Variants in DACH2 observed in about 807,000 individuals in gnomAD.
DACH2 encodes dachshund homolog 2.
DACH2 carries 17 observed loss-of-function variants against 35.8 expected under a neutral mutation model. That is an observed-to-expected ratio of 0.48 (90% confidence interval 0.33 to 0.71). DACH2 has a LOEUF of 0.71. Ranked by LOEUF, DACH2 falls within the 30% of genes least tolerant of loss-of-function variation. The probability of loss-of-function intolerance (pLI) is 0.02; values close to 1 mark genes in which losing one functional copy is unlikely to be tolerated. For missense variants in DACH2, 469 were observed against 472.7 expected, an observed-to-expected ratio of 0.99 and a Z score of 0.07; for synonymous variants, 195 against 177.3, an observed-to-expected ratio of 1.10 and a Z score of -0.79.
At chrX:86,331,462 TAAAA>T (rs1289346509) in intron 1 of DACH2, among the ~76,000 whole-genome samples, 49 of 109,389 alleles carry the variant, frequency 4.5e-4, no homozygotes, top group South Asian at 3.8e-4. Context: ...TCCTGGAAGA[TAAAA>T]CAAACAAACA....
intron 3 of DACH2, among the ~76,000 whole-genome samples, chrX:86,534,241 G>A (rs999795555): frequency 7.2e-5 from 8 of 111,710 alleles, no homozygotes; most frequent in African/African-American, 2.6e-4. Flanking sequence ...CTTTATCATA[G>A]TATGGCAACA....
chrX:86,729,337 T>A (rs1291766), intron 6 of DACH2, among the ~76,000 whole-genome samples: 25,273 of 111,547 alleles, frequency 0.23, 2,352 homozygotes, highest in Admixed American at 0.44. Context: ...CCAATGCCTA[T>A]ACCCCTGTTG....
intron 3 of DACH2, among the ~76,000 whole-genome samples, chrX:86,555,518 C>T (rs912917480): frequency 9.0e-6 from 1 of 111,453 alleles, no homozygotes; most frequent in Non-Finnish European, 1.9e-5. Flanking sequence ...GAGAGGAAAA[C>T]TGCTAATTGA....
At chrX:86,293,906 A>T (rs1401052179) in intron 1 of DACH2, among the ~76,000 whole-genome samples, 1 of 110,360 alleles carries the variant, frequency 9.1e-6, no homozygotes, top group Non-Finnish European at 1.9e-5. Flanking sequence ...TGTGTCTTGG[A>T]GGTGCTCTTC....
At chrX:86,158,193 AT>A (rs769392168) in intron 1 of DACH2, among the ~76,000 whole-genome samples, 2 of 111,901 alleles carry the variant, frequency 1.8e-5, no homozygotes, top group African/African-American at 6.5e-5. Context: ...ATGCATTATG[AT>A]ATGGTTCCCC....
Position 86,485,706 on chromosome X carries a change from C to T in DACH2, c.528-28573C>T, listed in dbSNP as rs901666605. On this transcript the variant is annotated intron_variant, in intron 2 of 11. Transcript: ENST00000373125. ...TATAGTTTATAGTAAATCACATTGC[C>T]TATAAGTGATAAATATAAAAAAAAC... Among the ~76,000 whole-genome samples, 26 of 111,009 alleles carry T rather than the reference C, an allele frequency of 2.3e-4. No homozygotes were observed. The Admixed American group carries it at 2.5e-3, about 11-fold the overall frequency.
chrX:86,763,890 T>C (rs1242977636), intron 7 of DACH2, among the ~76,000 whole-genome samples: 1 of 111,720 alleles, frequency 9.0e-6, no homozygotes, highest in Non-Finnish European at 1.9e-5. Context: ...TTAATATAAA[T>C]AATATGTTTC....
intron 11 of DACH2, among the ~76,000 whole-genome samples, chrX:86,816,686 T>C (rs1302607307): frequency 8.9e-6 from 1 of 111,893 alleles, no homozygotes; most frequent in Non-Finnish European, 1.9e-5. Flanking sequence ...AAATATTTAG[T>C]AGTAAGAAAA....
chrX:86,196,976 G>A (rs181910650), intron 1 of DACH2, among the ~76,000 whole-genome samples: 13 of 110,626 alleles, frequency 1.2e-4, no homozygotes, highest in East Asian at 5.7e-4. Flanking sequence ...CTCCAAGGTC[G>A]AAATGAAAGA....
intron 7 of DACH2, among the ~76,000 whole-genome samples, chrX:86,805,045 A>G (rs1348066898): frequency 1.8e-5 from 2 of 112,091 alleles, no homozygotes; most frequent in Non-Finnish European, 3.8e-5. Flanking sequence ...GCAGTGCCCC[A>G]ATGGGGACTC....
chrX:86,506,525 C>T (rs920124314), intron 2 of DACH2, among the ~76,000 whole-genome samples: 5 of 111,580 alleles, frequency 4.5e-5, no homozygotes, highest in Admixed American at 9.5e-5. Context: ...TCCTGAGTAG[C>T]GAGGACTACA....
In DACH2 at chrX:86,274,982, A is replaced by G. The variant is rs149967745; in HGVS notation, c.489-101842A>G. On this transcript the variant is annotated intron_variant, in intron 1 of 11. Transcript: ENST00000373125. ...GCTTGAGGAAATCGTCATATGGCCC[A>G]GAGTATTGAAAGCAGCACAGCAAAA... Among the ~76,000 whole-genome samples the G allele has an allele frequency of 4.5e-5, 5 of 111,778 alleles. No individual in the cohort carries two copies. The East Asian group carries it at 1.4e-3, about 32-fold the overall frequency.
chrX:86,650,603 C>A (rs918854689), intron 3 of DACH2, among the ~76,000 whole-genome samples: 6 of 111,521 alleles, frequency 5.4e-5, no homozygotes, highest in African/African-American at 1.6e-4. Flanking sequence ...GTCCAAAACT[C>A]TTAGCAGACA....
intron 7 of DACH2, among the ~76,000 whole-genome samples, chrX:86,796,606 T>C (rs2042241460): frequency 8.9e-6 from 1 of 112,456 alleles, no homozygotes; most frequent in African/African-American, 3.2e-5. Flanking sequence ...TGAAAGATCT[T>C]ACATATTAAT....
chrX:86,633,176 A>C (rs6524678), intron 3 of DACH2, among the ~76,000 whole-genome samples: 41,001 of 109,837 alleles, frequency 0.37, 6,434 homozygotes, highest in East Asian at 0.82. Context: ...AATGTTGGTT[A>C]TTTGAAAGAT....
At chrX:86,791,096 G>T (rs1439441383) in intron 7 of DACH2, among the ~76,000 whole-genome samples, 1 of 111,254 alleles carries the variant, frequency 9.0e-6, no homozygotes, top group Non-Finnish European at 1.9e-5. Flanking sequence ...CTGTCTCCAT[G>T]TTGAGTAGGC....
chrX:86,800,044 C>T (rs1418256748), intron 7 of DACH2, among the ~76,000 whole-genome samples: 1 of 112,019 alleles, frequency 8.9e-6, no homozygotes, highest in Admixed American at 9.5e-5. Flanking sequence ...AAGAAGAAGG[C>T]AGACTCATAG....
chrX:86,439,460 C>T (rs1038322423), intron 2 of DACH2, among the ~76,000 whole-genome samples: 2 of 111,546 alleles, frequency 1.8e-5, no homozygotes, highest in Non-Finnish European at 3.8e-5. Flanking sequence ...ATGTTTTAGC[C>T]ATAAAATATT....
chrX:86,234,535 C>T (rs2033016100), intron 1 of DACH2, among the ~76,000 whole-genome samples: 1 of 110,900 alleles, frequency 9.0e-6, no homozygotes, highest in Non-Finnish European at 1.9e-5. Flanking sequence ...CCTAGCTTCC[C>T]CTATTGTTAC....
Sources: allele counts gnomAD v4.1 joint callset (sites outside exome capture counted in the v4.1 genomes callset), GRCh38; gene constraint gnomAD v4.1.1; transcripts MANE v1.5; gene names NCBI Gene and HGNC (gene_info 2026-07-23, HGNC 2026-07-21).